Variants in UBE2E2 observed in about 807,000 individuals in gnomAD.
The protein encoded by UBE2E2 is ubiquitin conjugating enzyme E2 E2, also known as ubiquitin-conjugating enzyme E2 E2.
UBE2E2 carries 6 observed loss-of-function variants against 24.7 expected under a neutral mutation model. The observed-to-expected ratio is 0.24, with a 90% CI of 0.13 to 0.48. The LOEUF is 0.48. Among genes scored for constraint, UBE2E2 ranks in the 20% least tolerant of loss-of-function variants. The pLI is 0.99. For missense variants in UBE2E2, 169 were observed against 245.0 expected (o/e 0.69, Z 2.07); for synonymous variants, 104 against 83.6 (o/e 1.24, Z -1.33).
chr3:23,410,387 G>C (rs1204943512), intron 3 of UBE2E2, among the ~76,000 whole-genome samples: 1 of 152,088 alleles, frequency 6.6e-6, no homozygotes, highest in Non-Finnish European at 1.5e-5. Flanking sequence ...ACTTGAGATA[G>C]ATTTCAAGCC....
intron 3 of UBE2E2, among the ~76,000 whole-genome samples, chr3:23,497,771 A>G (rs1021682814): frequency 6.6e-6 from 1 of 152,058 alleles, no homozygotes. Context: ...AAATTTTTCT[A>G]ATGTATTTTC....
At chr3:23,242,856 C>T (rs1013411879) in intron 3 of UBE2E2, among the ~76,000 whole-genome samples, 56 of 152,032 alleles carry the variant, frequency 3.7e-4, no homozygotes, top group African/African-American at 1.2e-3. Context: ...GAGGCTGAGG[C>T]GGGAGGATCA....
At chr3:23,576,986 C>A (rs561425628) in intron 5 of UBE2E2, among the ~76,000 whole-genome samples, 12 of 151,714 alleles carry the variant, frequency 7.9e-5, no homozygotes, top group African/African-American at 2.7e-4. Flanking sequence ...ATTTTTCCAA[C>A]AGCGTGTGCT....
chr3:23,228,900 G>T (rs1451689431), intron 3 of UBE2E2, among the ~76,000 whole-genome samples: 1 of 152,160 alleles, frequency 6.6e-6, no homozygotes, highest in East Asian at 1.9e-4. Context: ...TGGAAGATGA[G>T]GCCTAGTAAT....
rs191810530 is a variant in UBE2E2, at chr3:23,385,709, C to G, written c.228-113899C>G. ...CCTCAAAGTCCTACATCATGGAATGCAAGATTGTGTGGTAGAGACAAAAGT... is the reference window on the plus strand; with the variant it reads ...CCTCAAAGTCCTACATCATGGAATGGAAGATTGTGTGGTAGAGACAAAAGT... On this transcript the variant is annotated intron_variant, in intron 3 of 5. Coordinates refer to ENST00000396703, the MANE Select transcript of UBE2E2 (RefSeq NM_152653.4). Among the ~76,000 whole-genome samples, 267 of 152,296 alleles carry G rather than the reference C, an allele frequency of 1.8e-3. 3 individuals carry two copies. The highest frequency in any genetic ancestry group is 6.1e-3 in the African/African-American group (253 of 41,562).
At chr3:23,429,131 G>A (rs1007361353) in intron 3 of UBE2E2, among the ~76,000 whole-genome samples, 10 of 151,866 alleles carry the variant, frequency 6.6e-5, no homozygotes, top group African/African-American at 2.4e-4. Flanking sequence ...ATATTAAAGC[G>A]GTTGAATCAG....
At chr3:23,345,977 T>C (rs1302541312) in intron 3 of UBE2E2, among the ~76,000 whole-genome samples, 5 of 152,200 alleles carry the variant, frequency 3.3e-5, no homozygotes, top group East Asian at 1.9e-4. Flanking sequence ...CTAATGGTTT[T>C]CAACTGTTGC....
At chr3:23,374,033 T>C (rs950334243) in intron 3 of UBE2E2, among the ~76,000 whole-genome samples, 1 of 152,200 alleles carries the variant, frequency 6.6e-6, no homozygotes, top group Non-Finnish European at 1.5e-5. Flanking sequence ...TACAGGATGC[T>C]TAATAGCACT....
intron 3 of UBE2E2, among the ~76,000 whole-genome samples, chr3:23,372,765 C>G (rs991971809): frequency 6.6e-6 from 1 of 151,918 alleles, no homozygotes; most frequent in African/African-American, 2.4e-5. Flanking sequence ...AGATTATAGA[C>G]CAGTTTAAAA....
intron 3 of UBE2E2, among the ~76,000 whole-genome samples, chr3:23,327,756 G>A (rs933672123): frequency 6.6e-6 from 1 of 152,130 alleles, no homozygotes; most frequent in African/African-American, 2.4e-5. Context: ...TTGCAGGTCT[G>A]AAAAAAGTGT....
intron 5 of UBE2E2, among the ~76,000 whole-genome samples, chr3:23,539,747 T>A (rs1174465716): frequency 6.6e-6 from 1 of 152,216 alleles, no homozygotes; most frequent in African/African-American, 2.4e-5. Context: ...TGGTGTGTTC[T>A]GTAATAGCAG....
At position 23,346,307 on chromosome 3, in the gene UBE2E2, T is replaced by A. The variant is rs1459757730; in HGVS notation, c.227+128995T>A. On this transcript the variant is annotated intron_variant, in intron 3 of 5. Transcript: ENST00000396703. Reference sequence around the variant, plus strand: ...AATGCCCTTAGTTGAATCGTTAATATCCTAGATAGTAAAAGATTAGTACCT... The same window carrying A: ...AATGCCCTTAGTTGAATCGTTAATAACCTAGATAGTAAAAGATTAGTACCT... Among the ~76,000 whole-genome samples the A allele has an allele frequency of 2.6e-5, 4 of 152,358 alleles. No homozygotes were observed. In the East Asian group the frequency reaches 7.7e-4, roughly 29 times the overall value.
chr3:23,367,047 A>AT (rs371792437), intron 3 of UBE2E2, among the ~76,000 whole-genome samples: 3 of 152,284 alleles, frequency 2.0e-5, no homozygotes, highest in African/African-American at 7.2e-5. Flanking sequence ...ATTCTGAAGA[A>AT]TTTATCCTGT....
chr3:23,466,550 G>GTTTTGT (rs143269925), intron 3 of UBE2E2, among the ~76,000 whole-genome samples: 4,478 of 151,612 alleles, frequency 0.03, 124 homozygotes, highest in East Asian at 0.14. Flanking sequence ...CCCAGAGTCT[G>GTTTTGT]TTTTGTTTTT....
intron 3 of UBE2E2, among the ~76,000 whole-genome samples, chr3:23,357,425 A>G (rs770782123): frequency 1.3e-5 from 2 of 152,216 alleles, no homozygotes; most frequent in Non-Finnish European, 2.9e-5. Flanking sequence ...GTGTATATGT[A>G]TATCTGCATA....
chr3:23,351,754 A>G (rs1044898292), intron 3 of UBE2E2, among the ~76,000 whole-genome samples: 1 of 152,158 alleles, frequency 6.6e-6, no homozygotes, highest in Non-Finnish European at 1.5e-5. Context: ...GTGACATACA[A>G]AGAGACTTAG....
At chr3:23,555,542 C>G (rs1482903237) in intron 5 of UBE2E2, among the ~76,000 whole-genome samples, 2 of 152,168 alleles carry the variant, frequency 1.3e-5, no homozygotes, top group African/African-American at 4.8e-5. Context: ...AATACCACCT[C>G]ATATAGATAC....
chr3:23,534,343 C>A, intron 5 of UBE2E2: 3 of 569,436 alleles, frequency 5.3e-6, no homozygotes, highest in South Asian at 7.8e-5. Context: ...TTTTTTTTTG[C>A]TCCGTTTCAG....
At chr3:23,555,605 A>G (rs1215541249) in intron 5 of UBE2E2, among the ~76,000 whole-genome samples, 2 of 152,216 alleles carry the variant, frequency 1.3e-5, no homozygotes, top group Admixed American at 6.5e-5. Flanking sequence ...AATATGGGGA[A>G]AAACCTAGGT....
Sources: gnomAD v4.1 joint callset for allele counts (sites outside exome capture counted in the v4.1 genomes callset) on GRCh38, gnomAD v4.1.1 for gene constraint, MANE v1.5 for transcripts, NCBI Gene and HGNC (gene_info 2026-07-23, HGNC 2026-07-21) for gene names.